Variants in TIMM44 observed in about 807,000 individuals in gnomAD.
TIMM44 encodes the protein mitochondrial import inner membrane translocase subunit TIM44.
Under a neutral mutation model 63.8 loss-of-function variants are expected in TIMM44, and 37 were observed. The ratio of observed to expected loss-of-function variants is 0.58; its 90% CI spans 0.45 to 0.76. The LOEUF (loss-of-function observed/expected upper bound fraction) is 0.76. Among genes scored for constraint, TIMM44 ranks in the 30% least tolerant of loss-of-function variants. The probability of loss-of-function intolerance (pLI) is 0.00; values close to 1 mark genes in which losing one functional copy is unlikely to be tolerated. For synonymous variants in TIMM44, 239 were observed against 245.1 expected (o/e 0.98, Z 0.23); for missense variants, 573 against 603.8 (o/e 0.95, Z 0.54).
rs777966305 is a variant in TIMM44, at chr19:7,932,860, T to C, written c.842A>G (p.Asp281Gly). ...CTCACCCAGCAAGTCGGTGACCTTG[T>C]CCGTAAGGGCCCGGGATGCCCGGAT... ...AFIRASRALT[D>G]KVTDLLGGLF... The change falls in exon 8 of 13, where the codon GAC becomes GGC. Residue 281 changes from aspartate to glycine, a missense_variant. Asp to Gly is a moderately conservative substitution (Grantham distance 94). Coordinates refer to ENST00000270538, the MANE Select transcript of TIMM44 (RefSeq NM_006351.4). The C allele has an allele frequency of 1.5e-5, 25 of 1,614,088 alleles. No homozygotes were observed. Among genetic ancestry groups the C allele is most frequent in the Middle Eastern group, 3.3e-4 (2 of 6,084 alleles).
chr19:7,928,221 C>G, intron 10 of TIMM44, 55 bp from the exon 11 acceptor site: 1 of 1,463,660 alleles, frequency 6.8e-7, no homozygotes, highest in East Asian at 2.4e-5. Context: ...GGCACCACGC[C>G]ACACAGAGCT....
intron 11 of TIMM44, 136 bp downstream of exon 11, chr19:7,927,941 C>T: frequency 5.4e-6 from 6 of 1,117,730 alleles, no homozygotes; most frequent in Non-Finnish European, 5.2e-6. Context: ...CCTCGAGACC[C>T]TCCCCTTGGA....
At position 7,933,370 on chromosome 19, in the gene TIMM44, C is replaced by T; in HGVS notation, c.769+115G>A. ...AAGAAGTGACCGGCCCACTCTGACC[C>T]CGATCTCCTCCTCTGCAAAACGGGG... On this transcript the variant is annotated intron_variant, in intron 7 of 12. Transcript: ENST00000270538. The surrounding 1 kb of genome is among the most constrained non-coding windows in gnomAD (Gnocchi z 4.3). 6.3e-6 allele frequency: 6 copies of T among 953,532 alleles called. No homozygotes were observed. The highest frequency in any genetic ancestry group is 1.0e-5 in the Non-Finnish European group (6 of 576,756). 59.1% of individuals were successfully genotyped at this position (953,532 alleles called of 1,614,324 possible). A position where few individuals can be genotyped will look rare whatever the true frequency, so the allele number is the denominator to read the frequency against.
chr19:7,928,072 CT>C lies in TIMM44; in HGVS notation c.1128+4del. ...TGGCCCGGGCCCCCACTGCGAGGTGCTTACGTCGACGTTGTCAATGTCTAGG... is the reference window on the plus strand; with the variant it reads ...TGGCCCGGGCCCCCACTGCGAGGTGCTACGTCGACGTTGTCAATGTCTAGG... On this transcript the variant is annotated splice_donor_region_variant and intron_variant, in intron 11 of 12. Transcript: ENST00000270538. 1 of 1,613,292 alleles carries C rather than the reference CT, an allele frequency of 6.2e-7. No individual in the cohort carries two copies. The highest frequency in any genetic ancestry group is 8.5e-7 in the Non-Finnish European group (1 of 1,179,528).
chr19:7,940,794 A>C (rs1174934560), intron 2 of TIMM44, among the ~76,000 whole-genome samples: 1 of 152,128 alleles, frequency 6.6e-6, no homozygotes, highest in Admixed American at 6.6e-5. Flanking sequence ...ACCCACGGGC[A>C]GAGGTCACAG....
Position 7,934,284 on chromosome 19 carries a change from G to A in TIMM44, c.394-46C>T, listed in dbSNP as rs1372376206. On this transcript the variant is annotated intron_variant, in intron 4 of 12. Coordinates refer to ENST00000270538, the MANE Select transcript of TIMM44 (RefSeq NM_006351.4). The surrounding 1 kb of genome is among the most constrained non-coding windows in gnomAD (Gnocchi z 5.3). ...AGGGGGCGTTGGCACCGGCCCTGGC[G>A]GCCGGGGGGCGGGGCAGGAGGAATG... is the stretch of plus-strand genomic sequence containing the variant. The A allele has an allele frequency of 5.6e-6, 9 of 1,604,162 alleles. No individual in the cohort carries two copies. Among genetic ancestry groups the A allele is most frequent in the Middle Eastern group, 3.3e-4 (2 of 6,050 alleles).
intron 10 of TIMM44, 72 bp from the exon 11 acceptor site, chr19:7,928,238 C>G (rs1013594540): frequency 4.7e-5 from 64 of 1,348,102 alleles, no homozygotes; most frequent in Non-Finnish European, 6.6e-5. Context: ...AGCTGCTGCC[C>G]ACACACCCTG....
intron 3 of TIMM44, 73 bp from the exon 4 acceptor site, chr19:7,935,218 T>A: frequency 7.4e-7 from 1 of 1,352,136 alleles, no homozygotes; most frequent in Non-Finnish European, 1.0e-6. Context: ...GAGGCTGGAG[T>A]ACAGTGGCAC....
intron 3 of TIMM44, chr19:7,937,663 T>C: frequency 3.1e-6 from 1 of 324,598 alleles, no homozygotes; most frequent in Non-Finnish European, 5.9e-6. Flanking sequence ...TGAGCTCCTC[T>C]GGCTGTCCCT....
chr19:7,936,726 G>A (rs964498638), intron 3 of TIMM44, among the ~76,000 whole-genome samples: 2 of 152,168 alleles, frequency 1.3e-5, no homozygotes, highest in Non-Finnish European at 2.9e-5. Context: ...CCAGCACTTT[G>A]GGAAGCTGAG....
chr19:7,934,126 T>C lies in TIMM44; in HGVS notation c.506A>G (p.Lys169Arg). The C allele has an allele frequency of 1.2e-6, 2 of 1,613,444 alleles. No individual in the cohort carries two copies. Among genetic ancestry groups the C allele is most frequent in the Non-Finnish European group, 1.7e-6 (2 of 1,179,976 alleles). ...SAESVSKGGE[K>R]LGRTAAFRAL... ...TCTGAAGGCCGCTGTCCTGCCCAGCTTCTCCCCGCCTTTGGATACCGACTC... is the reference window on the plus strand; with the variant it reads ...TCTGAAGGCCGCTGTCCTGCCCAGCCTCTCCCCGCCTTTGGATACCGACTC... Residue 169 changes from lysine (K) to arginine (R), a missense_variant, in exon 5 of 13, where the codon AAG becomes AGG. Lys to Arg is a conservative substitution (Grantham distance 26). Transcript: ENST00000270538. The surrounding 1 kb of genome is among the most constrained non-coding windows in gnomAD (Gnocchi z 5.3).
Position 7,932,651 on chromosome 19 carries a change from G to C in TIMM44, c.963C>G (p.Asn321Lys). The change falls in exon 9 of 13, where the codon AAC becomes AAG. Residue 321 changes from asparagine (N) to lysine (K), a missense_variant. Coordinates refer to ENST00000270538, the MANE Select transcript of TIMM44 (RefSeq NM_006351.4). ...DKDRFLKQCE[N>K]DIIPNVLEAM... is the part of the protein sequence containing the mutation. The stretch of plus-strand genomic sequence containing the variant: ...CCTCCAGGACATTGGGGATGATGTC[G>C]TTCTCGCACTGTTTCAGAAACCGGT... 1 of 1,614,040 alleles carries C rather than the reference G, an allele frequency of 6.2e-7. No homozygotes were observed. Among genetic ancestry groups the C allele is most frequent in the South Asian group, 1.1e-5 (1 of 91,082 alleles).
rs747196388 is a variant in TIMM44 at position 7,941,122 on chromosome 19, G to C, written c.121C>G (p.Pro41Ala). 2.5e-6 allele frequency: 4 copies of C among 1,614,046 alleles called. No individual in the cohort carries two copies. The highest frequency in any genetic ancestry group is 3.3e-5 in the Admixed American group (2 of 60,004). The change falls in exon 2 of 13, where the codon CCG becomes GCG. Residue 41 changes from proline to alanine, a missense_variant. Physicochemically the swap from Pro to Ala is conservative, Grantham distance 27. Transcript: ENST00000270538. ...PHGSTYQMRR[P>A]GGELPLSKSY... ...CTCACCAGTGGCAGCTCTCCGCCCG[G>C]CCGGCGCATCTGATAGGTCGACCCA...
Position 7,934,022 on chromosome 19 carries a change from G to T in TIMM44, c.544-19C>A, listed in dbSNP as rs370953655. ...CCACCCCCTGCGAGGGAGGCACAGCGGGGCTGGGGTGGGTGTCTGGGTTCG... is the reference window on the plus strand; with the variant it reads ...CCACCCCCTGCGAGGGAGGCACAGCTGGGCTGGGGTGGGTGTCTGGGTTCG... On this transcript the variant is annotated intron_variant, in intron 5 of 12. Transcript: ENST00000270538. The surrounding 1 kb of genome is among the most constrained non-coding windows in gnomAD (Gnocchi z 5.3). The T allele has an allele frequency of 1.2e-6, 2 of 1,613,674 alleles. No homozygotes were observed. Among genetic ancestry groups the T allele is most frequent in the Non-Finnish European group, 8.5e-7 (1 of 1,180,002 alleles).
At chr19:7,927,843 C>T (rs1021967955) in intron 11 of TIMM44, 76 bp from the exon 12 acceptor site, 1 of 1,430,086 alleles carries the variant, frequency 7.0e-7, no homozygotes, top group African/African-American at 1.4e-5. Flanking sequence ...ACCCCTGCGC[C>T]TAGGCCCTGC....
At chr19:7,942,505 C>T (rs578037947) in intron 1 of TIMM44, among the ~76,000 whole-genome samples, 131 of 152,110 alleles carry the variant, frequency 8.6e-4, no homozygotes, top group African/African-American at 2.8e-3. Context: ...CAGAACCTGG[C>T]GTGTTGATGT....
At chr19:7,928,983 G>C (rs1206941594) in intron 10 of TIMM44, 1 of 146,106 alleles carries the variant, frequency 6.8e-6, no homozygotes, top group East Asian at 2.0e-4. Flanking sequence ...TGCTGGATTA[G>C]TCACCATGCA....
At chr19:7,931,283 G>GA (rs1983975501) in intron 9 of TIMM44, 95 bp from the exon 10 acceptor site, 2 of 1,205,792 alleles carry the variant, frequency 1.7e-6, no homozygotes, top group Non-Finnish European at 2.5e-6. Flanking sequence ...GCGGGGTGGG[G>GA]AGTTTCCTCA....
Position 7,932,888 on chromosome 19 carries a change from A to G in TIMM44, c.814T>C (p.Phe272Leu), listed in dbSNP as rs552013372. Residue 272 changes from phenylalanine to leucine, a missense_variant, in exon 8 of 13, where the codon TTC (phenylalanine) becomes CTC (leucine). By Grantham distance (22) the Phe-to-Leu change is conservative. Coordinates refer to ENST00000270538, the MANE Select transcript of TIMM44 (RefSeq NM_006351.4). ...GTAAGGGCCCGGGATGCCCGGATGAACGCGTTGTCGCTTTCGTCATACTTC... is the reference window on the plus strand; with the variant it reads ...GTAAGGGCCCGGGATGCCCGGATGAGCGCGTTGTCGCTTTCGTCATACTTC... Reference protein sequence around the residue: ...KMKYDESDNAFIRASRALTDK... With the variant: ...KMKYDESDNALIRASRALTDK... The G allele has an allele frequency of 1.7e-5, 28 of 1,614,216 alleles. No individual in the cohort carries two copies. The African/African-American group carries it at 2.8e-4, about 16-fold the overall frequency.
Sources: gnomAD v4.1 joint callset for allele counts (sites outside exome capture counted in the v4.1 genomes callset) on GRCh38, gnomAD v4.1.1 for gene constraint, Gnocchi (gnomAD v3.1) non-coding constraint, MANE v1.5 for transcripts, NCBI Gene and HGNC (gene_info 2026-07-23, HGNC 2026-07-21) for gene names.